GABRA2: variants seen among roughly 807,000 people sequenced by gnomAD.
The protein encoded by GABRA2 is gamma-aminobutyric acid receptor subunit alpha-2.
In GABRA2, 16 loss-of-function variants were observed where a neutral mutation model predicts 48.7. The ratio of observed to expected loss-of-function variants is 0.33; its 90% CI spans 0.22 to 0.50. GABRA2 has a LOEUF of 0.50. Among genes scored for constraint, GABRA2 ranks in the 20% least tolerant of loss-of-function variants. The pLI, the probability that GABRA2 is intolerant of heterozygous loss-of-function variation, is 0.98. For synonymous variants in GABRA2, 185 were observed against 184.5 expected (o/e 1.00, Z -0.02); for missense variants, 275 against 535.6 (o/e 0.51, Z 4.80).
intron 3 of GABRA2, among the ~76,000 whole-genome samples, chr4:46,340,002 T>C (rs1732942241): frequency 6.6e-6 from 1 of 151,818 alleles, no homozygotes; most frequent in Non-Finnish European, 1.5e-5. Flanking sequence ...CCTTCCCTAT[T>C]GTATTTTATT....
intron 8 of GABRA2, among the ~76,000 whole-genome samples, chr4:46,298,359 T>A (rs1445151365): frequency 6.6e-6 from 1 of 150,898 alleles, no homozygotes; most frequent in East Asian, 1.9e-4. Flanking sequence ...TTAAAACTCT[T>A]AACATATATT....
intron 8 of GABRA2, among the ~76,000 whole-genome samples, chr4:46,268,438 A>G (rs1718675284): frequency 6.6e-6 from 1 of 151,978 alleles, no homozygotes; most frequent in South Asian, 2.1e-4. Flanking sequence ...GATACATGAA[A>G]AAAATGGCCA....
intron 8 of GABRA2, among the ~76,000 whole-genome samples, chr4:46,291,768 AAC>A (rs1309654384): frequency 7.9e-6 from 1 of 126,624 alleles, no homozygotes; most frequent in East Asian, 2.5e-4. Flanking sequence ...ACTATTAATA[AAC>A]ACACACATAT....
intron 3 of GABRA2, among the ~76,000 whole-genome samples, chr4:46,352,472 G>T (rs2109915069): frequency 6.6e-6 from 1 of 152,104 alleles, no homozygotes; most frequent in East Asian, 1.9e-4. Flanking sequence ...CTCTCAGTGT[G>T]AACGTTTTTA....
At chr4:46,284,779 T>C (rs903005310) in intron 8 of GABRA2, among the ~76,000 whole-genome samples, 3 of 152,000 alleles carry the variant, frequency 2.0e-5, no homozygotes, top group Admixed American at 6.5e-5. Flanking sequence ...TTCTAGAGCA[T>C]ATTAATTTTT....
At chr4:46,314,601 T>C (rs544338742) in intron 4 of GABRA2, among the ~76,000 whole-genome samples, 1 of 152,180 alleles carries the variant, frequency 6.6e-6, no homozygotes, top group South Asian at 2.1e-4. Flanking sequence ...AGTTAGCATG[T>C]TACCCAATAG....
At chr4:46,370,649 C>T (rs1714743163) in intron 3 of GABRA2, among the ~76,000 whole-genome samples, 1 of 152,182 alleles carries the variant, frequency 6.6e-6, no homozygotes, top group Middle Eastern at 3.4e-3. Context: ...TTCAAAGAAG[C>T]TCTTAATTGG....
intron 8 of GABRA2, chr4:46,303,232 A>C: frequency 2.0e-6 from 1 of 500,676 alleles, no homozygotes; most frequent in Non-Finnish European, 3.5e-6. Flanking sequence ...CAGAAAGAAG[A>C]CTAAGTGTGT....
At chr4:46,338,768 A>G (rs1196094833) in intron 3 of GABRA2, among the ~76,000 whole-genome samples, 1 of 151,868 alleles carries the variant, frequency 6.6e-6, no homozygotes, top group African/African-American at 2.4e-5. Context: ...ATTAATTCTC[A>G]GGCTATTATT....
intron 3 of GABRA2, among the ~76,000 whole-genome samples, chr4:46,385,078 CATAT>C (rs36113226): frequency 0.15 from 21,077 of 143,166 alleles, 1,777 homozygotes; most frequent in South Asian, 0.28. Context: ...AATTGCCTAA[CATAT>C]ATATATATAT....
chr4:46,352,476 G>A (rs1401794189), intron 3 of GABRA2, among the ~76,000 whole-genome samples: 1 of 151,854 alleles, frequency 6.6e-6, no homozygotes, highest in Non-Finnish European at 1.5e-5. Flanking sequence ...CAGTGTGAAC[G>A]TTTTTATGTA....
chr4:46,251,792 G>A (rs1472894416), intron 9 of GABRA2, among the ~76,000 whole-genome samples: 2 of 151,418 alleles, frequency 1.3e-5, no homozygotes, highest in Admixed American at 6.6e-5. Context: ...ATGAAGGCTG[G>A]TGCTGCTTCT....
chr4:46,257,402 A>G (rs1475560447), intron 9 of GABRA2, among the ~76,000 whole-genome samples: 1 of 151,644 alleles, frequency 6.6e-6, no homozygotes. Context: ...GATTGTGGCT[A>G]GTAATGGTTA....
At chr4:46,342,091 C>CAATT (rs71193864) in intron 3 of GABRA2, among the ~76,000 whole-genome samples, 79,841 of 151,308 alleles carry the variant, frequency 0.53, 21,740 homozygotes, top group African/African-American at 0.67. Flanking sequence ...CCACTTTTCA[C>CAATT]AACAGAGTTG....
intron 3 of GABRA2, among the ~76,000 whole-genome samples, chr4:46,361,275 GT>G (rs1713139876): frequency 1.3e-5 from 2 of 151,958 alleles, no homozygotes; most frequent in South Asian, 4.1e-4. Context: ...CTGGCCGAGG[GT>G]CCCCCTGCTG....
At chr4:46,308,314 A>G (rs1012304619) in intron 6 of GABRA2, among the ~76,000 whole-genome samples, 1 of 152,192 alleles carries the variant, frequency 6.6e-6, no homozygotes, top group African/African-American at 2.4e-5. Context: ...GTAAGCACAC[A>G]GAAAAAAAAT....
At chr4:46,378,622 C>A (rs1176068131) in intron 3 of GABRA2, among the ~76,000 whole-genome samples, 2 of 151,072 alleles carry the variant, frequency 1.3e-5, no homozygotes, top group Admixed American at 6.6e-5. Context: ...CCTGCCAAAT[C>A]CCCCTCTGCG....
At position 46,303,551 on chromosome 4, in the gene GABRA2, A is replaced by T. The variant is rs1253171139; in HGVS notation, c.765T>A (p.Ile255=). 6.2e-7 allele frequency: 1 copy of T among 1,613,700 alleles called. No individual in the cohort carries two copies. The highest frequency in any genetic ancestry group is 8.5e-7 in the Non-Finnish European group (1 of 1,179,718). ...TCATGATGCAAGGCAGATAGGTTTGAATCACAAAATACCCAATTTTTCTTT... is the reference window on the plus strand; with the variant it reads ...TCATGATGCAAGGCAGATAGGTTTGTATCACAAAATACCCAATTTTTCTTT... ...HLKRKIGYFV[I]QTYLPCIMTV... Residue 255 remains isoleucine (I), a synonymous_variant, in exon 8 of 10, where the codon ATT becomes ATA. Coordinates refer to ENST00000381620, the MANE Select transcript of GABRA2 (RefSeq NM_000807.4).
Position 46,244,556 on chromosome 4 carries a change from C to T in GABRA2, c.*5752G>A, listed in dbSNP as rs1713352454. Among the ~76,000 whole-genome samples, 2 of 151,408 alleles carry T rather than the reference C, an allele frequency of 1.3e-5. No homozygotes were observed. Among genetic ancestry groups the T allele is most frequent in the African/African-American group, 4.8e-5 (2 of 41,372 alleles). On this transcript the variant is annotated 3_prime_UTR_variant, in exon 10 of 10. Transcript: ENST00000381620. ...ATCAATTCAGGCGTCATTCTATAAA[C>T]GGTAACTTACAACAAAATATTTGAT...
Sources: allele counts gnomAD v4.1 joint callset (sites outside exome capture counted in the v4.1 genomes callset), GRCh38; gene constraint gnomAD v4.1.1; transcripts MANE v1.5; gene names NCBI Gene and HGNC (gene_info 2026-07-23, HGNC 2026-07-21).